SHISA9: variants seen among roughly 807,000 people sequenced by gnomAD.
The protein encoded by SHISA9 is shisa family member 9, also known as protein shisa-9.
SHISA9 carries 13 observed loss-of-function variants against 38.0 expected under a neutral mutation model. That is an observed-to-expected ratio of 0.34 (90% CI 0.22 to 0.54). SHISA9 has a LOEUF of 0.54. Ranked by LOEUF, SHISA9 falls within the 20% of genes least tolerant of loss-of-function variation. The probability of loss-of-function intolerance (pLI) is 0.91; values close to 1 mark genes in which losing one functional copy is unlikely to be tolerated. For synonymous variants in SHISA9, 275 were observed against 242.0 expected, an observed-to-expected ratio of 1.14 and a Z score of -1.27; for missense variants, 538 against 575.8, an observed-to-expected ratio of 0.93 and a Z score of 0.67.
At chr16:13,255,415 ATG>A in the SHISA9 span, among the ~76,000 whole-genome samples, 1 of 151,958 alleles carries the variant, frequency 6.6e-6, no homozygotes, top group Non-Finnish European at 1.5e-5. Flanking sequence ...GTGTCTCTTT[ATG>A]TGTGTGTCTT....
At chr16:13,387,221 C>T in the SHISA9 span, among the ~76,000 whole-genome samples, 1 of 152,102 alleles carries the variant, frequency 6.6e-6, no homozygotes, top group African/African-American at 2.4e-5. Flanking sequence ...AGCCCTAATT[C>T]CTAGTACCTC....
At chr16:13,473,349 C>CTTTTTTTTTTTTTTTTTTT in the SHISA9 span, among the ~76,000 whole-genome samples, 10 of 73,902 alleles carry the variant, frequency 1.4e-4, no homozygotes, top group African/African-American at 2.1e-4. Flanking sequence ...TTCTTTCTTT[C>CTTTTTTTTTTTTTTTTTTT]TTTTTTTTTT....
chr16:13,005,899 G>C (rs1411319460), intron 2 of SHISA9, among the ~76,000 whole-genome samples: 1 of 152,198 alleles, frequency 6.6e-6, no homozygotes, highest in Non-Finnish European at 1.5e-5. Flanking sequence ...GGCGGTTCTT[G>C]GGTGACCTCG....
chr16:13,427,528 A>G, the SHISA9 span, among the ~76,000 whole-genome samples: 1 of 152,208 alleles, frequency 6.6e-6, no homozygotes, highest in Non-Finnish European at 1.5e-5. Flanking sequence ...AAAAAGAAAA[A>G]AACAAAGCCT....
chr16:12,939,419 C>T (rs2071579775), intron 2 of SHISA9, among the ~76,000 whole-genome samples: 1 of 152,146 alleles, frequency 6.6e-6, no homozygotes, highest in East Asian at 1.9e-4. Flanking sequence ...CTGATTGGCC[C>T]ATACTTTTCC....
intron 2 of SHISA9, among the ~76,000 whole-genome samples, chr16:13,043,927 C>A (rs2073160077): frequency 6.6e-6 from 1 of 152,130 alleles, no homozygotes. Flanking sequence ...TTCTCCTTGT[C>A]CTTACTTGAT....
At chr16:13,048,322 T>A (rs759328534) in intron 2 of SHISA9, among the ~76,000 whole-genome samples, 1 of 152,244 alleles carries the variant, frequency 6.6e-6, no homozygotes, top group Non-Finnish European at 1.5e-5. Context: ...ATCAGCATGA[T>A]ATGGAGCCAG....
intron 4 of SHISA9, among the ~76,000 whole-genome samples, chr16:13,215,950 G>T (rs2051163842): frequency 6.6e-6 from 1 of 152,146 alleles, no homozygotes; most frequent in African/African-American, 2.4e-5. Context: ...ACTTTGGGAG[G>T]CTGAGGTGGG....
At chr16:13,199,202 T>C (rs1486304651) in intron 2 of SHISA9, among the ~76,000 whole-genome samples, 1 of 152,180 alleles carries the variant, frequency 6.6e-6, no homozygotes, top group African/African-American at 2.4e-5. Flanking sequence ...TACTGGAGGA[T>C]AATAGGCTTT....
At chr16:12,910,599 C>T (rs1384228376) in intron 1 of SHISA9, 3 of 985,208 alleles carry the variant, frequency 3.0e-6, no homozygotes, top group Non-Finnish European at 3.6e-6. Flanking sequence ...TCATTTCAAC[C>T]TCAAAAATGG....
At chr16:13,193,096 C>T (rs1262890891) in intron 2 of SHISA9, among the ~76,000 whole-genome samples, 1 of 152,136 alleles carries the variant, frequency 6.6e-6, no homozygotes, top group Non-Finnish European at 1.5e-5. Context: ...AGAGGTGGTT[C>T]AATGCGTGGT....
At chr16:13,478,081 T>C in the SHISA9 span, among the ~76,000 whole-genome samples, 2 of 152,236 alleles carry the variant, frequency 1.3e-5, no homozygotes, top group Admixed American at 6.5e-5. Flanking sequence ...GACATCGCAT[T>C]TTCCTCTGAA....
Position 13,120,721 on chromosome 16 carries a change from G to C in SHISA9, c.692-82673G>C, listed in dbSNP as rs563534014. 1.7e-3 allele frequency among the ~76,000 whole-genome samples: 258 copies of C among 152,286 alleles called. 4 individuals are homozygous for C. The highest frequency in any genetic ancestry group is 5.8e-3 in the African/African-American group (242 of 41,564). On this transcript the variant is annotated intron_variant, in intron 2 of 4. Coordinates refer to ENST00000558583, the MANE Select transcript of SHISA9 (RefSeq NM_001145204.3). ...GAGCTGTGGGAAGGCTGTCTTCTTA[G>C]AGGAAGAATGCGTAGAGGGGCAGGG...
intron 2 of SHISA9, among the ~76,000 whole-genome samples, chr16:13,013,886 C>A (rs1371503656): frequency 1.3e-5 from 2 of 152,130 alleles, no homozygotes; most frequent in South Asian, 4.1e-4. Context: ...CGCCACCAGG[C>A]CTGGCTAATT....
At chr16:13,234,534 AACCAGCGG>A (rs1484069359) in intron 4 of SHISA9, among the ~76,000 whole-genome samples, 1 of 152,208 alleles carries the variant, frequency 6.6e-6, no homozygotes, top group Admixed American at 6.5e-5. Context: ...AAAGCAAACA[AACCAGCGG>A]AGAAAAATCC....
chr16:13,001,268 T>C (rs559057058), intron 2 of SHISA9, among the ~76,000 whole-genome samples: 1 of 152,310 alleles, frequency 6.6e-6, no homozygotes, highest in Admixed American at 6.5e-5. Flanking sequence ...TGTTGGCTTG[T>C]GGCACAGACT....
chr16:13,124,085 T>A, intron 2 of SHISA9, among the ~76,000 whole-genome samples: 1 of 152,180 alleles, frequency 6.6e-6, no homozygotes, highest in East Asian at 1.9e-4. Flanking sequence ...GGTATACAGG[T>A]GACTCTAATG....
chr16:13,327,766 C>T, the SHISA9 span, among the ~76,000 whole-genome samples: 1 of 151,966 alleles, frequency 6.6e-6, no homozygotes, highest in African/African-American at 2.4e-5. Context: ...AAGTGATTCT[C>T]GTGCCTCAGC....
At chr16:13,274,989 C>A in the SHISA9 span, among the ~76,000 whole-genome samples, 1 of 152,092 alleles carries the variant, frequency 6.6e-6, no homozygotes, top group Non-Finnish European at 1.5e-5. Flanking sequence ...ATCCAGGAGA[C>A]CTGTCACTCA....
Sources: allele counts gnomAD v4.1 joint callset (sites outside exome capture counted in the v4.1 genomes callset), GRCh38; gene constraint gnomAD v4.1.1; transcripts MANE v1.5; gene names NCBI Gene and HGNC (gene_info 2026-07-23, HGNC 2026-07-21).